The following TMC1 variants were observed in gnomAD, a reference collection of about 807,000 sequenced individuals.
TMC1 encodes the protein transmembrane channel like 1, also known as transmembrane channel-like protein 1.
A neutral mutation model predicts 105.8 loss-of-function variants in TMC1; 84 were observed. That is an observed-to-expected ratio of 0.79 (90% CI 0.67 to 0.95). The LOEUF (loss-of-function observed/expected upper bound fraction) is 0.95. Among genes scored for constraint, TMC1 ranks in the 40% least tolerant of loss-of-function variants. The probability of loss-of-function intolerance (pLI) is 0.00; values close to 1 mark genes in which losing one functional copy is unlikely to be tolerated. For synonymous variants in TMC1, 315 were observed against 311.5 expected (o/e 1.01, Z -0.12); for missense variants, 817 against 914.1 (o/e 0.89, Z 1.37).
intron 1 of TMC1, among the ~76,000 whole-genome samples, chr9:72,523,798 T>G (rs182518777): frequency 1.3e-5 from 2 of 151,968 alleles, no homozygotes; most frequent in East Asian, 3.9e-4. Context: ...TTGTTCAGAG[T>G]CAACTGTACT....
At chr9:72,704,036 G>T (rs1439384944) in intron 8 of TMC1, among the ~76,000 whole-genome samples, 1 of 152,194 alleles carries the variant, frequency 6.6e-6, no homozygotes. Flanking sequence ...CAAGTGGTCA[G>T]TACTTCACAG....
intron 20 of TMC1, among the ~76,000 whole-genome samples, chr9:72,826,165 G>T (rs1005127704): frequency 6.6e-6 from 1 of 152,244 alleles, no homozygotes; most frequent in South Asian, 2.1e-4. Flanking sequence ...AAATAATGAT[G>T]TAATGAATAT....
At chr9:72,815,883 C>T (rs1381863250) in intron 18 of TMC1, among the ~76,000 whole-genome samples, 1 of 151,988 alleles carries the variant, frequency 6.6e-6, no homozygotes, top group Non-Finnish European at 1.5e-5. Context: ...TTTACTGTCA[C>T]CAGCAGTGTA....
Position 72,758,426 on chromosome 9 carries a change from G to A in TMC1, c.741+3542G>A, listed in dbSNP as rs146182562. Among the ~76,000 whole-genome samples, 10 of 152,236 alleles carry A rather than the reference G, an allele frequency of 6.6e-5. No homozygotes were observed. In the East Asian group the frequency reaches 1.7e-3, roughly 26 times the overall value. On this transcript the variant is annotated intron_variant, in intron 12 of 23. Coordinates refer to ENST00000297784, the MANE Select transcript of TMC1 (RefSeq NM_138691.3). ...CTTAATTTAAAATATAGGAGATTTG[G>A]TTTCACAGTAAAAATCCAAAAGAAT...
At chr9:72,795,862 T>TA (rs55685504) in intron 17 of TMC1, among the ~76,000 whole-genome samples, 9,967 of 150,116 alleles carry the variant, frequency 0.066, 421 homozygotes, top group Middle Eastern at 0.092. Context: ...CAAGCTGTAT[T>TA]AAAAAAAAAG....
intron 17 of TMC1, among the ~76,000 whole-genome samples, chr9:72,799,004 C>A (rs1230445419): frequency 2.0e-5 from 3 of 151,804 alleles, no homozygotes; most frequent in African/African-American, 7.3e-5. Flanking sequence ...CCATACCTTA[C>A]CAGAGAAAAG....
At chr9:72,623,147 G>GTTTT (rs1162181237) in intron 3 of TMC1, among the ~76,000 whole-genome samples, 4 of 113,678 alleles carry the variant, frequency 3.5e-5, no homozygotes, top group African/African-American at 3.4e-5. Context: ...CTCTCTCCCT[G>GTTTT]TTTTTTTTTT....
At chr9:72,652,182 T>A (rs1466343317) in intron 5 of TMC1, among the ~76,000 whole-genome samples, 1 of 152,190 alleles carries the variant, frequency 6.6e-6, no homozygotes, top group South Asian at 2.1e-4. Flanking sequence ...TCTTTCCATA[T>A]ACTTGTTGGC....
intron 18 of TMC1, among the ~76,000 whole-genome samples, chr9:72,806,340 G>A (rs1828583783): frequency 3.4e-5 from 5 of 148,956 alleles, no homozygotes; most frequent in South Asian, 2.1e-4. Context: ...GCGGCTGGCC[G>A]GGTGGGGGGC....
rs1054398659 is a variant in TMC1 at position 72,836,215 on chromosome 9, C to T, written c.*242C>T. 2.9e-5 allele frequency: 15 copies of T among 521,090 alleles called. No homozygotes were observed. Among genetic ancestry groups the T allele is most frequent in the Non-Finnish European group, 4.1e-5 (12 of 292,782 alleles). The allele number at this position is 521,090 out of a possible 1,614,324, so 32.3% of individuals were successfully genotyped here. On this transcript the variant is annotated 3_prime_UTR_variant, in exon 24 of 24. Transcript: ENST00000297784. ...AGCCACTCTCTCCCCTGCTCCATTT[C>T]GTGACTTTTTTTTTTTTTTTAACAA...
At chr9:72,781,232 G>A (rs925104442) in intron 13 of TMC1, among the ~76,000 whole-genome samples, 1 of 152,104 alleles carries the variant, frequency 6.6e-6, no homozygotes, top group Admixed American at 6.5e-5. Flanking sequence ...GGTAAACAAT[G>A]AAATTAAGGC....
Position 72,769,979 on chromosome 9 carries a change from T to C in TMC1, c.742-2434T>C, listed in dbSNP as rs11143392. ...AGGTTTAAGACATGATAGAAGGAGA[T>C]TGGATTTAACACAAGTGGGAAGAAG... On this transcript the variant is annotated intron_variant, in intron 12 of 23. Transcript: ENST00000297784. Among the ~76,000 whole-genome samples the C allele has an allele frequency of 3.3e-5, 5 of 152,136 alleles. No individual in the cohort carries two copies. In the East Asian group the frequency reaches 9.7e-4, roughly 29 times the overall value.
intron 15 of TMC1, among the ~76,000 whole-genome samples, chr9:72,791,673 C>T (rs951703398): frequency 6.6e-6 from 1 of 152,194 alleles, no homozygotes; most frequent in African/African-American, 2.4e-5. Context: ...CTGGCACATA[C>T]ACACACTCAG....
intron 12 of TMC1, among the ~76,000 whole-genome samples, chr9:72,765,993 C>A (rs1438282251): frequency 1.3e-5 from 2 of 152,188 alleles, no homozygotes; most frequent in Non-Finnish European, 1.5e-5. Context: ...GGGTTTGAAT[C>A]CTGCCACATA....
intron 2 of TMC1, among the ~76,000 whole-genome samples, chr9:72,600,828 C>T (rs1003873104): frequency 1.3e-5 from 2 of 152,248 alleles, no homozygotes; most frequent in African/African-American, 4.8e-5. Flanking sequence ...TCATCATGTG[C>T]GCTTGTTAAA....
intron 4 of TMC1, among the ~76,000 whole-genome samples, chr9:72,634,110 T>C (rs893370618): frequency 5.3e-5 from 8 of 152,114 alleles, no homozygotes; most frequent in Non-Finnish European, 8.8e-5. Flanking sequence ...GAACGAGTGC[T>C]GCTGATGAGT....
rs184603559 is a variant in TMC1, at chr9:72,791,894, G to A, written c.1233G>A (p.Met411Ile). 1.8e-5 allele frequency: 29 copies of A among 1,612,300 alleles called. No homozygotes were observed. Among genetic ancestry groups the A allele is most frequent in the Middle Eastern group, 4.0e-4 (2 of 5,038 alleles). ...CTTGTGCCTCCTTGTAGATGAACAT[G>A]GTTATGTCCCTCCTAGGGATGTTCT... is the stretch of plus-strand genomic sequence containing the variant. ...LGWWEKNEMN[M>I]VMSLLGMFCP... The change falls in exon 16 of 24, where the codon ATG becomes ATA. Residue 411 changes from methionine (M) to isoleucine (I), a missense_variant. Physicochemically the swap from Met to Ile is conservative, Grantham distance 10. Transcript: ENST00000297784.
chr9:72,700,085 T>C (rs1395092700), intron 7 of TMC1, among the ~76,000 whole-genome samples: 1 of 147,154 alleles, frequency 6.8e-6, no homozygotes, highest in Non-Finnish European at 1.5e-5. Flanking sequence ...GAAACCCCCA[T>C]CTCTATTAAA....
chr9:72,559,944 G>T (rs1824016797), intron 1 of TMC1, among the ~76,000 whole-genome samples: 1 of 152,194 alleles, frequency 6.6e-6, no homozygotes, highest in Admixed American at 6.5e-5. Context: ...GGAGGAAACT[G>T]TTATTTTGGA....
Sources: allele counts gnomAD v4.1 joint callset (sites outside exome capture counted in the v4.1 genomes callset), GRCh38; gene constraint gnomAD v4.1.1; transcripts MANE v1.5; gene names NCBI Gene and HGNC (gene_info 2026-07-23, HGNC 2026-07-21).